The following ZNF106 variants were observed in gnomAD, a reference collection of about 807,000 sequenced individuals.
ZNF106 encodes SH3-domain binding protein 3.
In ZNF106, 67 loss-of-function variants were observed where a neutral mutation model predicts 195.1. That is an observed-to-expected ratio of 0.34 (90% confidence interval 0.28 to 0.42). ZNF106 has a LOEUF of 0.42. Ranked by LOEUF, ZNF106 falls within the 10% of genes least tolerant of loss-of-function variation. ZNF106 has a pLI of 1.00. For synonymous variants in ZNF106, 784 were observed against 818.6 expected, an observed-to-expected ratio of 0.96 and a Z score of 0.72; for missense variants, 2,118 against 2,304.5, an observed-to-expected ratio of 0.92 and a Z score of 1.66.
chr15:42,423,286 C>G (rs554589644), intron 17 of ZNF106, among the ~76,000 whole-genome samples: 12 of 151,946 alleles, frequency 7.9e-5, no homozygotes, highest in African/African-American at 2.7e-4. Flanking sequence ...GGGAGGATCC[C>G]TTGAGCCTAG....
chr15:42,442,614 C>CTT lies in ZNF106; in HGVS notation c.3422-202_3422-201dup, dbSNP rs1209709879. Among the ~76,000 whole-genome samples the CTT allele has an allele frequency of 2.8e-3, 345 of 123,594 alleles. 3 individuals carry two copies. The highest frequency in any genetic ancestry group is 6.5e-3 in the African/African-American group (215 of 33,174). The allele number at this position is 123,594 out of a possible 152,430, so 81.1% of individuals were successfully genotyped here. ...TACAGAGAGAATAGGCATCAACATT[C>CTT]TTTTTTTTTTTTTTTTTTTTGAGAT... On this transcript the variant is annotated intron_variant, in intron 9 of 21. Transcript: ENST00000564754.
intron 14 of ZNF106, 60 bp from the exon 15 acceptor site, chr15:42,428,194 C>T (rs2054925153): frequency 7.1e-7 from 1 of 1,414,150 alleles, no homozygotes; most frequent in Admixed American, 1.8e-5. Flanking sequence ...ATGTCAAAAA[C>T]AATTCCTCCA....
chr15:42,426,556 T>A (rs1246383555), intron 15 of ZNF106, among the ~76,000 whole-genome samples: 3 of 148,496 alleles, frequency 2.0e-5, no homozygotes, highest in African/African-American at 7.5e-5. Flanking sequence ...TGTGCTACCA[T>A]ACTTAGCTTT....
intron 1 of ZNF106, among the ~76,000 whole-genome samples, chr15:42,478,076 C>T (rs1022506193): frequency 3.3e-5 from 5 of 151,116 alleles, no homozygotes; most frequent in Non-Finnish European, 7.4e-5. Flanking sequence ...GTAACCTCCA[C>T]CTGAAACTAC....
chr15:42,436,175 A>G (rs1006437230), intron 13 of ZNF106, among the ~76,000 whole-genome samples: 12 of 152,014 alleles, frequency 7.9e-5, no homozygotes, highest in African/African-American at 2.9e-4. Flanking sequence ...GGATGGTCTC[A>G]ATCTCCTGAC....
intron 1 of ZNF106, among the ~76,000 whole-genome samples, chr15:42,482,896 A>G (rs1449867411): frequency 6.6e-6 from 1 of 152,140 alleles, no homozygotes; most frequent in Non-Finnish European, 1.5e-5. Flanking sequence ...ATAATTCAGC[A>G]GTCTGCCAAG....
At chr15:42,446,246 C>T (rs1294148530) in intron 7 of ZNF106, among the ~76,000 whole-genome samples, 1 of 152,168 alleles carries the variant, frequency 6.6e-6, no homozygotes, top group Non-Finnish European at 1.5e-5. Context: ...AAATGACAAG[C>T]TATGCTCTGT....
chr15:42,440,983 TAAAAAA>T (rs35854257), intron 10 of ZNF106, among the ~76,000 whole-genome samples: 14 of 19,800 alleles, frequency 7.1e-4, no homozygotes, highest in African/African-American at 5.5e-3. Context: ...AAACTCTGTC[TAAAAAA>T]AAAAAAAAAA....
chr15:42,449,998 G>A lies in ZNF106; in HGVS notation c.2274C>T (p.His758=). 1.2e-6 allele frequency: 2 copies of A among 1,614,206 alleles called. No homozygotes were observed. Among genetic ancestry groups the A allele is most frequent in the Non-Finnish European group, 1.7e-6 (2 of 1,180,036 alleles). Residue 758 remains histidine, a synonymous_variant, in exon 5 of 22, where the codon CAC becomes CAT. Transcript: ENST00000564754. ...PASLQRDLTR[H]ISLKSKTGVH... ...CTCCAGTTTTGCTCTTCAAACTAAT[G>A]TGCCGGGTTAGATCCCTCTGAAGTG...
rs758815583 is a variant in ZNF106, at chr15:42,452,002, C to T, written c.318-48G>A. On this transcript the variant is annotated intron_variant, in intron 4 of 21. Transcript: ENST00000564754. ...TTAGCGATTTAAAGGAATTCCTATG[C>T]TACCTTGAAAGGCATAACCCACCAA... is the stretch of plus-strand genomic sequence containing the variant. 3.2e-6 allele frequency: 5 copies of T among 1,557,694 alleles called. No homozygotes were observed. In the East Asian group the frequency reaches 6.7e-5, roughly 21 times the overall value.
chr15:42,476,912 T>C (rs1303915836), intron 1 of ZNF106, among the ~76,000 whole-genome samples: 1 of 152,178 alleles, frequency 6.6e-6, no homozygotes, highest in Non-Finnish European at 1.5e-5. Flanking sequence ...ATACAACATA[T>C]ATAACATGCA....
intron 3 of ZNF106, chr15:42,457,620 G>A (rs2056273888): frequency 1.2e-6 from 1 of 834,840 alleles, no homozygotes; most frequent in African/African-American, 1.8e-5. Context: ...AGAGTAGGTG[G>A]CGCAGCCAAT....
chr15:42,421,097 G>T lies in ZNF106; in HGVS notation c.5481C>A (p.Ala1827=). ...AATTCTGCATCAGATTAAGCCTCACGGCCTGAATACTGCCATCATAACAGC... is the reference window on the plus strand; with the variant it reads ...AATTCTGCATCAGATTAAGCCTCACTGCCTGAATACTGCCATCATAACAGC... ...YTGCYDGSIQ[A]VRLNLMQNYR... The change falls in exon 20 of 22, where the codon GCC becomes GCA. Residue 1827 remains alanine (A), a synonymous_variant. Coordinates refer to ENST00000564754, the MANE Select transcript of ZNF106 (RefSeq NM_001366845.3). 6.2e-7 allele frequency: 1 copy of T among 1,614,032 alleles called. No homozygotes were observed. Among genetic ancestry groups the T allele is most frequent in the Non-Finnish European group, 8.5e-7 (1 of 1,180,010 alleles).
chr15:42,456,308 C>A (rs1206907741), intron 4 of ZNF106, among the ~76,000 whole-genome samples: 6 of 152,156 alleles, frequency 3.9e-5, no homozygotes, highest in Admixed American at 2.0e-4. Flanking sequence ...TAACACCTTT[C>A]CACTGGAAAA....
rs776239295 is a variant in ZNF106 at position 42,448,188 on chromosome 15, C to T, written c.3019G>A (p.Ala1007Thr). ...CTGGAGATCGCAAGGGCTGAGGATG[C>T]GCTTGATGACAGACAGTTTCCCTCT... ...NGEGNCLSSS[A>T]SSALAISSLA... The change falls in exon 6 of 22, where the codon GCA (alanine) becomes ACA (threonine). Residue 1007 changes from alanine to threonine, a missense_variant. Ala to Thr is a moderately conservative substitution (Grantham distance 58). Coordinates refer to ENST00000564754, the MANE Select transcript of ZNF106 (RefSeq NM_001366845.3). The T allele has an allele frequency of 1.2e-5, 20 of 1,614,004 alleles. No homozygotes were observed. The Middle Eastern group carries it at 8.2e-4, about 66-fold the overall frequency.
intron 1 of ZNF106, among the ~76,000 whole-genome samples, chr15:42,479,697 C>T (rs1247530935): frequency 6.6e-6 from 1 of 151,826 alleles, no homozygotes; most frequent in Non-Finnish European, 1.5e-5. Context: ...TAAAAATTAG[C>T]CTGGTGTGGT....
chr15:42,435,931 A>G (rs141663876), intron 13 of ZNF106, among the ~76,000 whole-genome samples: 1 of 151,802 alleles, frequency 6.6e-6, no homozygotes, highest in Non-Finnish European at 1.5e-5. Context: ...AGGTGCTATC[A>G]CAGGTCTAGT....
chr15:42,468,907 T>TG (rs902609159), intron 2 of ZNF106, among the ~76,000 whole-genome samples: 1 of 151,058 alleles, frequency 6.6e-6, no homozygotes, highest in African/African-American at 2.4e-5. Flanking sequence ...ACATCTTCGG[T>TG]GGGGCACGGT....
At position 42,413,601 on chromosome 15, in the gene ZNF106, C is replaced by G. The variant is rs2054342143; in HGVS notation, c.*3703G>C. On this transcript the variant is annotated 3_prime_UTR_variant, in exon 22 of 22. Coordinates refer to ENST00000564754, the MANE Select transcript of ZNF106 (RefSeq NM_001366845.3). ...CTACTCCCACCAAATCATCCACATGCCTCATCACTAAAGTTGTCCCTTGTA... is the reference window on the plus strand; with the variant it reads ...CTACTCCCACCAAATCATCCACATGGCTCATCACTAAAGTTGTCCCTTGTA... 6.6e-6 allele frequency: 1 copy of G among 152,610 alleles called. No individual in the cohort carries two copies. Among genetic ancestry groups the G allele is most frequent in the African/African-American group, 2.4e-5 (1 of 41,430 alleles). The allele number at this position is 152,610 out of a possible 1,614,324, so 9.5% of individuals were successfully genotyped here.
Sources: allele counts gnomAD v4.1 joint callset (sites outside exome capture counted in the v4.1 genomes callset), GRCh38; gene constraint gnomAD v4.1.1; transcripts MANE v1.5; gene names NCBI Gene and HGNC (gene_info 2026-07-23, HGNC 2026-07-21).